Variants in LONP2 observed in about 807,000 individuals in gnomAD.
The protein encoded by LONP2 is lon peptidase 2, peroxisomal.
Under a neutral mutation model 85.6 loss-of-function variants are expected in LONP2, and 60 were observed. The ratio of observed to expected loss-of-function variants is 0.70; its 90% CI spans 0.57 to 0.87. LONP2 has a LOEUF of 0.87. LONP2 is among the 40% of genes least tolerant of loss of function. LONP2 has a pLI of 0.00. For missense variants in LONP2, 860 were observed against 1,063.5 expected (o/e 0.81, Z 2.66); for synonymous variants, 395 against 389.7 (o/e 1.01, Z -0.16).
At chr16:48,265,108 G>C (rs1971963766) in intron 6 of LONP2, among the ~76,000 whole-genome samples, 1 of 151,968 alleles carries the variant, frequency 6.6e-6, no homozygotes, top group African/African-American at 2.4e-5. Context: ...TGTGTATTTT[G>C]GATATTAACC....
intron 11 of LONP2, among the ~76,000 whole-genome samples, chr16:48,322,911 C>G (rs1973296471): frequency 6.6e-6 from 1 of 152,132 alleles, no homozygotes; most frequent in Non-Finnish European, 1.5e-5. Flanking sequence ...ATTCCATTGC[C>G]CTAACGGGGC....
At position 48,258,662 on chromosome 16, in the gene LONP2, A is replaced by G; in HGVS notation, c.645A>G (p.Ile215Met). 6.2e-7 allele frequency: 1 copy of G among 1,611,824 alleles called. No individual in the cohort carries two copies. The highest frequency in any genetic ancestry group is 1.1e-5 in the South Asian group (1 of 90,616). The change falls in exon 4 of 15, where the codon ATA (isoleucine) becomes ATG (methionine). Residue 215 changes from isoleucine to methionine, a missense_variant. Ile to Met is a conservative substitution (Grantham distance 10). Transcript: ENST00000285737. ...TAGAGGAGCGGTTCAAGATGACTAT[A>G]CCACTGCTTGTCAGACAAATTGAAG... ...VSLEERFKMT[I>M]PLLVRQIEGL...
intron 1 of LONP2, among the ~76,000 whole-genome samples, chr16:48,244,875 A>G (rs1971265262): frequency 6.6e-6 from 1 of 152,084 alleles, no homozygotes; most frequent in Admixed American, 6.5e-5. Context: ...TGGATAATTT[A>G]ATTTGAATCC....
At chr16:48,299,915 A>C (rs961208989) in intron 10 of LONP2, 127 bp downstream of exon 10, 4 of 929,842 alleles carry the variant, frequency 4.3e-6, no homozygotes, top group South Asian at 3.8e-5. Context: ...CAGTCTCCTG[A>C]AAAGGAGATT....
At chr16:48,345,829 G>A (rs1375415726) in intron 12 of LONP2, 1 of 152,264 alleles carries the variant, frequency 6.6e-6, no homozygotes, top group Non-Finnish European at 1.5e-5. Flanking sequence ...CAGATCACCT[G>A]AAGTCAGGAG....
At chr16:48,359,655 G>T (rs1475873877), downstream of LONP2, among the ~76,000 whole-genome samples, 1 of 152,010 alleles carries the variant, frequency 6.6e-6, no homozygotes, top group African/African-American at 2.4e-5. Context: ...GGCCGAGGTT[G>T]CAGTGAGCCG....
Position 48,348,225 on chromosome 16 carries a change from G to A in LONP2, c.2272G>A (p.Gly758Arg). 6.2e-7 allele frequency: 1 copy of A among 1,611,826 alleles called. No individual in the cohort carries two copies. Among genetic ancestry groups the A allele is most frequent in the Non-Finnish European group, 8.5e-7 (1 of 1,179,470 alleles). The change falls in exon 14 of 15, where the codon GGG (glycine) becomes AGG (arginine). Residue 758 changes from glycine to arginine, a missense_variant. Around this residue, in one of 3 missense-constraint regions of LONP2, gnomAD observed 115 missense variants for 129.0 expected, o/e 0.89. Transcript: ENST00000285737. ...IVTCLASLFS[G>R]RLVRSDVAMT... ...AACCTGTCTCGCCTCACTTTTTAGT[G>A]GGCGGCTGGTACGTTCAGATGTAGC...
chr16:48,286,657 A>G lies in LONP2; in HGVS notation c.1383+9178A>G, dbSNP rs189907476. Among the ~76,000 whole-genome samples the G allele has an allele frequency of 1.4e-3, 209 of 151,800 alleles. 1 individual carries two copies. Among genetic ancestry groups the G allele is most frequent in the African/African-American group, 4.9e-3 (202 of 41,406 alleles). On this transcript the variant is annotated intron_variant, in intron 8 of 14. Coordinates refer to ENST00000285737, the MANE Select transcript of LONP2 (RefSeq NM_031490.5). The stretch of plus-strand genomic sequence containing the variant: ...GTAGCTGGGACTACAGGCACACACC[A>G]GCATGCCTGGCCAATTTTTTGTAGA...
intron 7 of LONP2, among the ~76,000 whole-genome samples, chr16:48,273,943 A>G (rs1972154141): frequency 6.6e-6 from 1 of 152,186 alleles, no homozygotes; most frequent in South Asian, 2.1e-4. Flanking sequence ...ACATTGATAC[A>G]TTTTCATATG....
chr16:48,361,353 G>T (rs1288377922), downstream of LONP2: 2 of 491,818 alleles, frequency 4.1e-6, no homozygotes, highest in African/African-American at 3.9e-5. Flanking sequence ...CCCATCTTGG[G>T]TGTATATACA....
chr16:48,316,404 G>A (rs1168593749), intron 11 of LONP2, among the ~76,000 whole-genome samples: 1 of 142,086 alleles, frequency 7.0e-6, no homozygotes, highest in Admixed American at 7.5e-5. Flanking sequence ...TTGGCTAACT[G>A]CAACCTTCAC....
At chr16:48,327,185 A>G (rs1959262231) in intron 11 of LONP2, among the ~76,000 whole-genome samples, 2 of 152,198 alleles carry the variant, frequency 1.3e-5, no homozygotes, top group African/African-American at 4.8e-5. Flanking sequence ...TGCCCCAACT[A>G]TCTTGGCAAT....
intron 11 of LONP2, among the ~76,000 whole-genome samples, chr16:48,309,078 A>G (rs1972975197): frequency 6.6e-6 from 1 of 152,202 alleles, no homozygotes; most frequent in South Asian, 2.1e-4. Context: ...ATCATCAGAG[A>G]AATGAAAAAT....
intron 11 of LONP2, among the ~76,000 whole-genome samples, chr16:48,324,276 ATTGT>A (rs1235130963): frequency 6.6e-6 from 1 of 152,168 alleles, no homozygotes; most frequent in Non-Finnish European, 1.5e-5. Context: ...AAACCACTTG[ATTGT>A]TTGTATAACC....
intron 2 of LONP2, 119 bp from the exon 3 acceptor site, chr16:48,256,491 A>C: frequency 1.0e-6 from 1 of 967,702 alleles, no homozygotes; most frequent in Non-Finnish European, 1.6e-6. Flanking sequence ...TATATTAATC[A>C]GTGATCTTTC....
chr16:48,250,388 A>G (rs2150961432), intron 1 of LONP2, among the ~76,000 whole-genome samples: 1 of 151,768 alleles, frequency 6.6e-6, no homozygotes, highest in African/African-American at 2.4e-5. Flanking sequence ...AGGCTGAGGC[A>G]GGAGAATCAC....
At position 48,244,386 on chromosome 16, in the gene LONP2, A is replaced by G. The variant is rs780844534; in HGVS notation, c.-3A>G. 1.3e-6 allele frequency: 2 copies of G among 1,539,588 alleles called. No homozygotes were observed. The highest frequency in any genetic ancestry group is 8.7e-7 in the Non-Finnish European group (1 of 1,147,128). ...ACAGCCCCCAGTGCGAAAGGCTGCCAGCATGTCATCAGTGAGCCCCATCCA... is the reference window on the plus strand; with the variant it reads ...ACAGCCCCCAGTGCGAAAGGCTGCCGGCATGTCATCAGTGAGCCCCATCCA... On this transcript the variant is annotated 5_prime_UTR_variant, in exon 1 of 15. Coordinates refer to ENST00000285737, the MANE Select transcript of LONP2 (RefSeq NM_031490.5).
chr16:48,361,785 C>A (rs1355245177), downstream of LONP2: 1 of 1,614,138 alleles, frequency 6.2e-7, no homozygotes, highest in Non-Finnish European at 8.5e-7. Context: ...AGCTTGCTTG[C>A]GTGTTCCTAT....
intron 6 of LONP2, among the ~76,000 whole-genome samples, chr16:48,269,538 G>A (rs1263888251): frequency 2.6e-5 from 4 of 152,078 alleles, no homozygotes; most frequent in South Asian, 2.1e-4. Context: ...GTAAATGCAC[G>A]CACACAGCCT....
Sources: gnomAD v4.1 joint callset for allele counts (sites outside exome capture counted in the v4.1 genomes callset) on GRCh38, gnomAD v4.1.1 for gene constraint, gnomAD v4.1.1 regional missense constraint, MANE v1.5 for transcripts, NCBI Gene and HGNC (gene_info 2026-07-23, HGNC 2026-07-21) for gene names.